Variants in AGBL1 observed in about 807,000 individuals in gnomAD.
AGBL1 encodes cytosolic carboxypeptidase 4.
In AGBL1, 130 loss-of-function variants were observed where a neutral mutation model predicts 118.9. The ratio of observed to expected loss-of-function variants is 1.09; its 90% CI spans 0.95 to 1.26. The LOEUF is 1.26. Among genes scored for constraint, AGBL1 ranks in the 50% most tolerant of loss-of-function variants. AGBL1 has a pLI of 0.00. For missense variants in AGBL1, 1,584 were observed against 1,298.1 expected (o/e 1.22, Z -3.38); for synonymous variants, 555 against 478.9 (o/e 1.16, Z -2.08).
chr15:86,749,242 A>T (rs1324509246), intron 22 of AGBL1, among the ~76,000 whole-genome samples: 3 of 152,048 alleles, frequency 2.0e-5, no homozygotes, highest in Non-Finnish European at 4.4e-5. Context: ...TGGAAGTTGG[A>T]TTCCTAAGTA....
chr15:86,891,437 C>T (rs759015638), intron 22 of AGBL1, among the ~76,000 whole-genome samples: 3 of 151,980 alleles, frequency 2.0e-5, no homozygotes, highest in Non-Finnish European at 4.4e-5. Context: ...GACATTGCAC[C>T]ATGTGTCCCA....
At chr15:86,299,608 CCAGGAAATTCTTTTCAGTG>C (rs1157584743) in intron 17 of AGBL1, 2 of 152,068 alleles carry the variant, frequency 1.3e-5, no homozygotes, top group African/African-American at 4.8e-5. Flanking sequence ...CACGATCAGT[CCAGGAAATTCTTTTCAGTG>C]CCTTCTGAGC....
intron 9 of AGBL1, among the ~76,000 whole-genome samples, chr15:86,259,110 T>C (rs2078943448): frequency 6.6e-6 from 1 of 152,244 alleles, no homozygotes; most frequent in African/African-American, 2.4e-5. Context: ...TTAGACCGGT[T>C]ACTTCTTGGT....
intron 22 of AGBL1, among the ~76,000 whole-genome samples, chr15:86,771,855 G>A (rs1244441621): frequency 6.6e-6 from 1 of 151,968 alleles, no homozygotes; most frequent in African/African-American, 2.4e-5. Context: ...GAGCCTATTG[G>A]CCCCTAAGGC....
intron 18 of AGBL1, among the ~76,000 whole-genome samples, chr15:86,487,540 G>A (rs1000087557): frequency 6.7e-6 from 1 of 149,300 alleles, no homozygotes; most frequent in Admixed American, 6.6e-5. Context: ...GTAATGAAAC[G>A]AGCTAAAAAT....
intron 22 of AGBL1, among the ~76,000 whole-genome samples, chr15:86,761,244 T>C (rs1208826434): frequency 6.6e-6 from 1 of 152,034 alleles, no homozygotes; most frequent in Admixed American, 6.6e-5. Flanking sequence ...ATTGAGAACT[T>C]ACTGTATGCC....
intron 21 of AGBL1, among the ~76,000 whole-genome samples, chr15:86,582,762 C>CA (rs1373552308): frequency 3.4e-5 from 5 of 148,996 alleles, no homozygotes; most frequent in South Asian, 4.2e-4. Context: ...ATCGCAAGGA[C>CA]AAAAAACCAA....
At chr15:86,257,883 C>G (rs1238180560) in intron 8 of AGBL1, 81 bp from the exon 9 acceptor site, 1 of 1,370,256 alleles carries the variant, frequency 7.3e-7, no homozygotes, top group African/African-American at 1.4e-5. Context: ...GAAGAAAGAA[C>G]CACTGTATGG....
intron 20 of AGBL1, among the ~76,000 whole-genome samples, chr15:86,550,485 A>T (rs928607138): frequency 6.6e-6 from 1 of 152,192 alleles, no homozygotes; most frequent in Non-Finnish European, 1.5e-5. Context: ...TTATATTGAC[A>T]TAAGACAAAA....
At chr15:86,430,461 C>T (rs2142037771) in intron 18 of AGBL1, among the ~76,000 whole-genome samples, 1 of 150,076 alleles carries the variant, frequency 6.7e-6, no homozygotes, top group Middle Eastern at 3.4e-3. Context: ...CGCCACTGCA[C>T]TCCAGCCTGG....
At chr15:86,559,420 A>G (rs2083781681) in intron 21 of AGBL1, among the ~76,000 whole-genome samples, 1 of 152,194 alleles carries the variant, frequency 6.6e-6, no homozygotes, top group Non-Finnish European at 1.5e-5. Flanking sequence ...ATGTTATAAC[A>G]GTTCTTATTT....
At chr15:86,680,360 T>C (rs2085930373) in intron 22 of AGBL1, among the ~76,000 whole-genome samples, 1 of 152,008 alleles carries the variant, frequency 6.6e-6, no homozygotes, top group Non-Finnish European at 1.5e-5. Flanking sequence ...TGCATATTAA[T>C]ACATATGTGA....
At chr15:86,252,448 G>A (rs1004659693) in intron 7 of AGBL1, among the ~76,000 whole-genome samples, 1 of 152,130 alleles carries the variant, frequency 6.6e-6, no homozygotes, top group African/African-American at 2.4e-5. Context: ...AAAGATGTTG[G>A]GGCTGGGTTC....
intron 18 of AGBL1, among the ~76,000 whole-genome samples, chr15:86,500,172 G>C (rs1328881789): frequency 6.6e-6 from 1 of 151,898 alleles, no homozygotes; most frequent in Non-Finnish European, 1.5e-5. Context: ...GGTGGGACTT[G>C]AGAGCTTTAT....
At chr15:86,106,662 T>G (rs1447212471) in intron 1 of AGBL1, among the ~76,000 whole-genome samples, 1 of 152,232 alleles carries the variant, frequency 6.6e-6, no homozygotes, top group Non-Finnish European at 1.5e-5. Flanking sequence ...AGTGCCAAAG[T>G]TGAGAACCCC....
chr15:86,967,775 G>A (rs1210262696), intron 23 of AGBL1, among the ~76,000 whole-genome samples: 1 of 152,058 alleles, frequency 6.6e-6, no homozygotes, highest in East Asian at 1.9e-4. Context: ...CTCCAGCTTT[G>A]TTCTTTTGGC....
chr15:86,230,187 C>G (rs78801903), intron 6 of AGBL1, among the ~76,000 whole-genome samples: 8,208 of 152,256 alleles, frequency 0.054, 319 homozygotes, highest in Non-Finnish European at 0.083. Flanking sequence ...GGAGGGCATT[C>G]TAAGTGCTGA....
intron 23 of AGBL1, among the ~76,000 whole-genome samples, chr15:86,943,201 C>G (rs1457476438): frequency 6.6e-6 from 1 of 152,098 alleles, no homozygotes; most frequent in Non-Finnish European, 1.5e-5. Context: ...GAGTCCTGTT[C>G]TATCTTGAAA....
chr15:86,637,527 G>T (rs927558766), intron 21 of AGBL1, among the ~76,000 whole-genome samples: 1 of 152,136 alleles, frequency 6.6e-6, no homozygotes, highest in Non-Finnish European at 1.5e-5. Flanking sequence ...ACTTAAAGGC[G>T]TGTTAATGAT....
Sources: gnomAD v4.1 joint callset for allele counts (sites outside exome capture counted in the v4.1 genomes callset) on GRCh38, gnomAD v4.1.1 for gene constraint, MANE v1.5 for transcripts, NCBI Gene and HGNC (gene_info 2026-07-23, HGNC 2026-07-21) for gene names.